Variants in DNAH14 observed in about 807,000 individuals in gnomAD.
DNAH14 encodes the protein axonemal beta dynein heavy chain 14.
A neutral mutation model predicts 520.9 loss-of-function variants in DNAH14; 478 were observed. The observed-to-expected ratio is 0.92, with a 90% CI of 0.85 to 0.99. The LOEUF (loss-of-function observed/expected upper bound fraction) is 0.99, where lower values mean the gene tolerates loss of function less well. Ranked by LOEUF, DNAH14 falls within the 50% of genes least tolerant of loss-of-function variation. The pLI, the probability that DNAH14 is intolerant of heterozygous loss-of-function variation, is 0.00. For synonymous variants in DNAH14, 1,581 were observed against 1,757.2 expected (o/e 0.90, Z 2.51); for missense variants, 4,831 against 5,234.5 (o/e 0.92, Z 2.38).
At chr1:225,176,804 T>G (rs1004552436) in intron 36 of DNAH14, among the ~76,000 whole-genome samples, 1 of 152,222 alleles carries the variant, frequency 6.6e-6, no homozygotes, top group East Asian at 1.9e-4. Context: ...TCCCCAGCCA[T>G]GTGGAACTGT....
rs1188301423 is a variant in DNAH14, at chr1:225,232,818, T to C, written c.6518+1667T>C. 1.3e-5 allele frequency among the ~76,000 whole-genome samples: 2 copies of C among 152,232 alleles called. No homozygotes were observed. The highest frequency in any genetic ancestry group is 2.9e-5 in the Non-Finnish European group (2 of 68,042). The stretch of plus-strand genomic sequence containing the variant: ...GCAGTGCTTGATTCTTATTTTAAGT[T>C]CAGGGGTACATGCACAGGATGTGCA... On this transcript the variant is annotated intron_variant, in intron 42 of 85. Coordinates refer to ENST00000682510, the MANE Select transcript of DNAH14 (RefSeq NM_001367479.1). The surrounding 1 kb of genome is among the most constrained non-coding windows in gnomAD (Gnocchi z 4.2).
At chr1:225,141,447 T>C (rs777110410) in intron 28 of DNAH14, among the ~76,000 whole-genome samples, 6 of 144,410 alleles carry the variant, frequency 4.2e-5, no homozygotes, top group Non-Finnish European at 7.5e-5. Flanking sequence ...GAACTATATG[T>C]GGTTTGAACT....
chr1:224,943,490 T>G (rs925170946), intron 1 of DNAH14, among the ~76,000 whole-genome samples: 1 of 152,178 alleles, frequency 6.6e-6, no homozygotes, highest in East Asian at 1.9e-4. Context: ...GTGTCTCTAT[T>G]TCCTTCAGTT....
chr1:225,212,123 T>A (rs1038799966), intron 41 of DNAH14, among the ~76,000 whole-genome samples: 1 of 145,430 alleles, frequency 6.9e-6, no homozygotes, highest in South Asian at 2.2e-4. Flanking sequence ...TTCTCATTGT[T>A]CAATTCCCAC....
rs1467800717 is a variant in DNAH14 at position 225,381,555 on chromosome 1, T to A, written c.13053T>A (p.Asn4351Lys). 1.5e-5 allele frequency: 23 copies of A among 1,529,772 alleles called. No individual in the cohort carries two copies. Among genetic ancestry groups the A allele is most frequent in the Non-Finnish European group, 1.8e-5 (21 of 1,140,488 alleles). 94.8% of individuals were successfully genotyped at this position (1,529,772 alleles called of 1,614,324 possible). A position where few individuals can be genotyped will look rare whatever the true frequency, so the allele number is the denominator to read the frequency against. Residue 4351 changes from asparagine (N) to lysine (K), a missense_variant, in exon 81 of 86, where the codon AAT becomes AAA. Coordinates refer to ENST00000682510, the MANE Select transcript of DNAH14 (RefSeq NM_001367479.1). ...ELEEIFNSFLNMRVPTLWQKH... is the reference protein window; with the variant it reads ...ELEEIFNSFLKMRVPTLWQKH... ...AGGAAATATTTAACTCTTTTCTTAA[T>A]ATGAGAGTGCCTACATTGTGGCAGG...
intron 80 of DNAH14, among the ~76,000 whole-genome samples, chr1:225,380,900 C>A (rs544515436): frequency 6.6e-6 from 1 of 152,310 alleles, no homozygotes; most frequent in Admixed American, 6.5e-5. Context: ...AAAACAGTGT[C>A]ATTGTTGAGT....
At chr1:225,231,600 C>T (rs1317162217) in intron 42 of DNAH14, among the ~76,000 whole-genome samples, 1 of 152,086 alleles carries the variant, frequency 6.6e-6, no homozygotes, top group African/African-American at 2.4e-5. Flanking sequence ...ATCTATTCAG[C>T]CATTTTGTAG....
At chr1:224,947,075 G>T (rs1260235480) in intron 1 of DNAH14, among the ~76,000 whole-genome samples, 1 of 151,574 alleles carries the variant, frequency 6.6e-6, no homozygotes, top group Non-Finnish European at 1.5e-5. Flanking sequence ...GCACCACCAC[G>T]CTCGGCTAAT....
intron 54 of DNAH14, among the ~76,000 whole-genome samples, chr1:225,280,874 A>C (rs994067438): frequency 2.0e-5 from 3 of 152,188 alleles, no homozygotes; most frequent in Non-Finnish European, 4.4e-5. Flanking sequence ...AACCTCAAAA[A>C]TTTTATGTTC....
chr1:225,142,903 G>A (rs1200488999), intron 28 of DNAH14, among the ~76,000 whole-genome samples: 1 of 152,148 alleles, frequency 6.6e-6, no homozygotes, highest in African/African-American at 2.4e-5. Context: ...TCCAGCCTGG[G>A]TGACAGAGCA....
intron 57 of DNAH14, among the ~76,000 whole-genome samples, chr1:225,304,242 A>G (rs765640929): frequency 2.0e-5 from 3 of 152,098 alleles, no homozygotes; most frequent in Non-Finnish European, 2.9e-5. Flanking sequence ...GCTATTGATG[A>G]CCACTTTAAG....
intron 36 of DNAH14, among the ~76,000 whole-genome samples, chr1:225,176,094 A>G (rs1423005832): frequency 1.3e-5 from 2 of 152,080 alleles, no homozygotes; most frequent in Non-Finnish European, 2.9e-5. Context: ...ATGTTTATCC[A>G]ACTTCCTTCC....
chr1:225,054,913 A>G (rs541255675), intron 17 of DNAH14, among the ~76,000 whole-genome samples: 34 of 152,138 alleles, frequency 2.2e-4, no homozygotes, highest in Non-Finnish European at 4.3e-4. Flanking sequence ...ATTATCTTTT[A>G]AAAAGAGAAA....
chr1:225,272,454 T>A (rs1462881463), intron 51 of DNAH14, among the ~76,000 whole-genome samples: 1 of 152,220 alleles, frequency 6.6e-6, no homozygotes, highest in Non-Finnish European at 1.5e-5. Context: ...CTGACTTAGT[T>A]ATCAGCCATG....
intron 11 of DNAH14, chr1:225,024,529 T>G (rs2065949123): frequency 6.6e-6 from 1 of 152,482 alleles, no homozygotes; most frequent in Non-Finnish European, 1.5e-5. Context: ...TAATTTCTAT[T>G]TATCAAAATT....
rs536431169 is a variant in DNAH14 at position 225,335,980 on chromosome 1, T to G, written c.10081-1286T>G. Among the ~76,000 whole-genome samples the G allele has an allele frequency of 1.2e-4, 17 of 146,144 alleles. No homozygotes were observed. The East Asian group carries it at 1.8e-3, about 16-fold the overall frequency. On this transcript the variant is annotated intron_variant, in intron 66 of 85. Transcript: ENST00000682510. Reference sequence around the variant, plus strand: ...ACACATATACATATATGTACATATGTGTATATACACACATATGCATATATG... The same window carrying G: ...ACACATATACATATATGTACATATGGGTATATACACACATATGCATATATG...
rs182045621 is a variant in DNAH14 at position 225,398,922 on chromosome 1, G to A, written c.13639-132G>A. 5 of 855,650 alleles carry A rather than the reference G, an allele frequency of 5.8e-6. No homozygotes were observed. In the African/African-American group the frequency reaches 8.6e-5, roughly 15 times the overall value. The allele number at this position is 855,650 out of a possible 1,614,324, so 53.0% of individuals were successfully genotyped here. A position where few individuals can be genotyped will look rare whatever the true frequency, so the allele number is the denominator to read the frequency against. On this transcript the variant is annotated intron_variant, in intron 85 of 85. Transcript: ENST00000682510. ...TCTCCAGGTATAATTTCCACATGCT[G>A]TTACATTAACCATTTAACCTTAAAT...
chr1:225,174,789 G>A (rs546523743), intron 36 of DNAH14, among the ~76,000 whole-genome samples: 6 of 152,204 alleles, frequency 3.9e-5, no homozygotes, highest in Non-Finnish European at 8.8e-5. Context: ...TTCCTGTTCA[G>A]GATGATGTTA....
At chr1:225,190,052 G>A (rs549378073) in intron 37 of DNAH14, among the ~76,000 whole-genome samples, 2 of 151,848 alleles carry the variant, frequency 1.3e-5, no homozygotes, top group African/African-American at 4.8e-5. Flanking sequence ...CAGTACCTCA[G>A]CTTGTATCTC....
Sources: gnomAD v4.1 joint callset for allele counts (sites outside exome capture counted in the v4.1 genomes callset) on GRCh38, gnomAD v4.1.1 for gene constraint, Gnocchi (gnomAD v3.1) non-coding constraint, MANE v1.5 for transcripts, NCBI Gene and HGNC (gene_info 2026-07-23, HGNC 2026-07-21) for gene names.